ZNF32: variants seen among roughly 807,000 people sequenced by gnomAD.
ZNF32 encodes zinc finger protein 32, also known as C2H2-546.
In ZNF32, 13 loss-of-function variants were observed where a neutral mutation model predicts 24.4. The ratio of observed to expected loss-of-function variants is 0.53; its 90% CI spans 0.35 to 0.85. ZNF32 has a LOEUF of 0.85. Among genes scored for constraint, ZNF32 ranks in the 40% least tolerant of loss-of-function variants. The probability of loss-of-function intolerance (pLI) is 0.01; values close to 1 mark genes in which losing one functional copy is unlikely to be tolerated. For synonymous variants in ZNF32, 115 were observed against 117.4 expected, an observed-to-expected ratio of 0.98 and a Z score of 0.13; for missense variants, 239 against 325.3, an observed-to-expected ratio of 0.73 and a Z score of 2.04.
Position 43,643,939 on chromosome 10 carries a change from ATG to A in ZNF32, c.*109_*110del. 8.1e-7 allele frequency: 1 copy of A among 1,241,392 alleles called. No individual in the cohort carries two copies. The highest frequency in any genetic ancestry group is 1.6e-5 in the South Asian group (1 of 61,402). 76.9% of individuals were successfully genotyped at this position (1,241,392 alleles called of 1,614,324 possible). The stretch of plus-strand genomic sequence containing the variant: ...AAAAATCAGTTTGCCCTACCCAATG[ATG>A]GTCTTTCTGAAAGATTCTCCATTCA... On this transcript the variant is annotated 3_prime_UTR_variant, in exon 3 of 3. Transcript: ENST00000374433.
At chr10:43,646,241 C>A in intron 1 of ZNF32, 39 bp from the exon 2 acceptor site, 2 of 1,237,830 alleles carry the variant, frequency 1.6e-6, no homozygotes, top group South Asian at 1.4e-5. Context: ...CAGGAAAGGG[C>A]AGAATAATTG....
In ZNF32 at chr10:43,644,803, T is replaced by C; in HGVS notation, c.71-2A>G. 1 of 1,578,716 alleles carries C rather than the reference T, an allele frequency of 6.3e-7. No individual in the cohort carries two copies. The highest frequency in any genetic ancestry group is 8.6e-7 in the Non-Finnish European group (1 of 1,165,964). ...TGTGGTGGGCTTCAGTCATCACATC[T>C]GATAAAATGAGAGGGAAGTCATATA... On this transcript the variant is annotated splice_acceptor_variant, in intron 2 of 2. Transcript: ENST00000374433. LOFTEE classifies it high-confidence loss of function. This position sits in a 1 kb window ranked among gnomAD's most constrained non-coding sequence, Gnocchi z 5.3.
rs757643566 is a variant in ZNF32, at chr10:43,644,797, C to A, written c.75G>T (p.Val25=). The change falls in exon 3 of 3, where the codon GTG becomes GTT. Residue 25 remains valine (V), a synonymous_variant. Transcript: ENST00000374433. The surrounding 1 kb of genome is among the most constrained non-coding windows in gnomAD (Gnocchi z 5.3). The part of the protein sequence containing the change: ...RYAQNVAFFN[V]MTEAHHKYDH... ...CATATTTGTGGTGGGCTTCAGTCAT[C>A]ACATCTGATAAAATGAGAGGGAAGT... 1.3e-5 allele frequency: 21 copies of A among 1,590,758 alleles called. No individual in the cohort carries two copies. The highest frequency in any genetic ancestry group is 1.7e-5 in the Non-Finnish European group (20 of 1,170,954).
Position 43,644,429 on chromosome 10 carries a change from A to C in ZNF32, c.443T>G (p.Leu148Arg). 6.2e-7 allele frequency: 1 copy of C among 1,614,166 alleles called. No individual in the cohort carries two copies. Residue 148 changes from leucine to arginine, a missense_variant, in exon 3 of 3, where the codon CTC becomes CGC. By Grantham distance (102) the Leu-to-Arg change is moderately radical. Coordinates refer to ENST00000374433, the MANE Select transcript of ZNF32 (RefSeq NM_006973.3). This position sits in a 1 kb window ranked among gnomAD's most constrained non-coding sequence, Gnocchi z 5.3. ...AGTGTGGAGTCTCTCGTGGACAGCG[A>C]GACTACCTCGTTGACTGAAGCTTTT... is the stretch of plus-strand genomic sequence containing the variant. The part of the protein sequence containing the change: ...CGKSFSQRGS[L>R]AVHERLHTGQ...
At chr10:43,646,017 G>C (rs769282680) in intron 2 of ZNF32, 47 bp downstream of exon 2, 1 of 1,611,892 alleles carries the variant, frequency 6.2e-7, no homozygotes, top group African/African-American at 1.3e-5. Flanking sequence ...CAGGGACACT[G>C]AATATCTGTG....
intron 1 of ZNF32, 73 bp from the exon 2 acceptor site, chr10:43,646,275 CAGTTGTTG>C: frequency 1.1e-6 from 1 of 905,212 alleles, no homozygotes. Flanking sequence ...AAAAAGTCAA[CAGTTGTTG>C]AGACATAAGT....
intron 1 of ZNF32, chr10:43,648,542 AGGCCCCG>A (rs1171564368): frequency 6.6e-6 from 1 of 152,016 alleles, no homozygotes; most frequent in African/African-American, 2.4e-5. Context: ...CTCCCGCCTC[AGGCCCCG>A]GGCCCCGGGC....
intron 1 of ZNF32, 162 bp from the exon 2 acceptor site, chr10:43,646,364 G>C (rs1839287984): frequency 5.9e-6 from 3 of 511,992 alleles, no homozygotes; most frequent in African/African-American, 5.8e-5. Flanking sequence ...GGGCCCAAAG[G>C]TACCAGGACC....
In ZNF32 at chr10:43,643,908, A is replaced by C. The variant is rs1839187713; in HGVS notation, c.*142T>G. ...TTATTTTTCATACTCTTTTGGGGGA[A>C]AGGAAAAAAATCAGTTTGCCCTACC... On this transcript the variant is annotated 3_prime_UTR_variant, in exon 3 of 3. Coordinates refer to ENST00000374433, the MANE Select transcript of ZNF32 (RefSeq NM_006973.3). The C allele has an allele frequency of 1.2e-6, 1 of 810,854 alleles. No individual in the cohort carries two copies. Among genetic ancestry groups the C allele is most frequent in the Non-Finnish European group, 1.9e-6 (1 of 535,350 alleles). The allele number at this position is 810,854 out of a possible 1,614,324, so 50.2% of individuals were successfully genotyped here.
Position 43,644,206 on chromosome 10 carries a change from G to A in ZNF32, c.666C>T (p.Cys222=). The change falls in exon 3 of 3, where the codon TGC becomes TGT. Residue 222 remains cysteine (C), a synonymous_variant. Transcript: ENST00000374433. This position sits in a 1 kb window ranked among gnomAD's most constrained non-coding sequence, Gnocchi z 5.3. ...TCCCCCTGGTGTGGAAACTCTTCCT[G>A]CACTGGGTACAGGCATAGGGCTTCA... The part of the protein sequence containing the change: ...TGLKPYACTQ[C]RKSFHTRGNC... The A allele has an allele frequency of 3.1e-6, 5 of 1,614,188 alleles. No homozygotes were observed. Among genetic ancestry groups the A allele is most frequent in the South Asian group, 1.1e-5 (1 of 91,082 alleles).
chr10:43,647,384 A>AT (rs904442191), intron 1 of ZNF32, among the ~76,000 whole-genome samples: 5 of 152,180 alleles, frequency 3.3e-5, no homozygotes, highest in Non-Finnish European at 7.3e-5. Flanking sequence ...CACATGATCT[A>AT]TTTTTTAAAA....
At position 43,644,400 on chromosome 10, in the gene ZNF32, G is replaced by T; in HGVS notation, c.472C>A (p.Gln158Lys). 5 of 1,613,994 alleles carry T rather than the reference G, an allele frequency of 3.1e-6. No individual in the cohort carries two copies. Among genetic ancestry groups the T allele is most frequent in the Non-Finnish European group, 4.2e-6 (5 of 1,179,922 alleles). The change falls in exon 3 of 3, where the codon CAG (glutamine) becomes AAG (lysine). Residue 158 changes from glutamine to lysine, a missense_variant. Transcript: ENST00000374433. The surrounding 1 kb of genome is among the most constrained non-coding windows in gnomAD (Gnocchi z 5.3). ...CAAATAGCACACTCGTAGGGTTTCT[G>T]TCCAGTGTGGAGTCTCTCGTGGACA... ...LAVHERLHTG[Q>K]KPYECAICQR...
At position 43,644,154 on chromosome 10, in the gene ZNF32, T is replaced by C. The variant is rs1192210150; in HGVS notation, c.718A>G (p.Thr240Ala). The change falls in exon 3 of 3, where the codon ACA (threonine) becomes GCA (alanine). Residue 240 changes from threonine to alanine, a missense_variant. Transcript: ENST00000374433. The surrounding 1 kb of genome is among the most constrained non-coding windows in gnomAD (Gnocchi z 5.3). ...GNCILHGKIHTGETPYLCGQC... is the reference protein window; with the variant it reads ...GNCILHGKIHAGETPYLCGQC... ...CCGCACAGATAGGGTGTCTCTCCTG[T>C]GTGGATTTTGCCATGCAGAATACAA... The C allele has an allele frequency of 6.2e-7, 1 of 1,614,214 alleles. No homozygotes were observed. The highest frequency in any genetic ancestry group is 8.5e-7 in the Non-Finnish European group (1 of 1,180,042).
intron 1 of ZNF32, chr10:43,646,997 A>C (rs891683824): frequency 4.6e-5 from 7 of 152,236 alleles, no homozygotes; most frequent in Non-Finnish European, 1.0e-4. Context: ...AGAAAGGAAG[A>C]GAGTTTGACC....
At chr10:43,645,453 C>A (rs1415238295) in intron 2 of ZNF32, among the ~76,000 whole-genome samples, 1 of 152,154 alleles carries the variant, frequency 6.6e-6, no homozygotes, top group East Asian at 1.9e-4. Context: ...TCCCTGCAAC[C>A]CTACAAGATA....
Position 43,643,871 on chromosome 10 carries a change from T to TG in ZNF32, c.*178_*179insC, listed in dbSNP as rs1839186256. The TG allele has an allele frequency of 1.5e-6, 1 of 645,430 alleles. No homozygotes were observed. The highest frequency in any genetic ancestry group is 1.8e-5 in the African/African-American group (1 of 54,776). 40.0% of individuals were successfully genotyped at this position (645,430 alleles called of 1,614,324 possible). A position where few individuals can be genotyped will look rare whatever the true frequency, so the allele number is the denominator to read the frequency against. ...TATAAAACATACATGATAATGATAA[T>TG]AAACAAGACATTTATTTTTCATACT... is the stretch of plus-strand genomic sequence containing the variant. On this transcript the variant is annotated 3_prime_UTR_variant, in exon 3 of 3. Coordinates refer to ENST00000374433, the MANE Select transcript of ZNF32 (RefSeq NM_006973.3).
At chr10:43,647,621 G>A (rs1302484766) in intron 1 of ZNF32, 2 of 152,174 alleles carry the variant, frequency 1.3e-5, no homozygotes, top group African/African-American at 4.8e-5. Context: ...TGATGACCAG[G>A]AGAATCATTT....
rs1480543570 is a variant in ZNF32, at chr10:43,644,534, C to G, written c.338G>C (p.Ser113Thr). Residue 113 changes from serine (S) to threonine (T), a missense_variant, in exon 3 of 3, where the codon AGC becomes ACC. Transcript: ENST00000374433. The surrounding 1 kb of genome is among the most constrained non-coding windows in gnomAD (Gnocchi z 5.3). ...KPFECTHCGK[S>T]FRAKGNLVTH... ...AACAAGATTGCCTTTGGCCCTGAAG[C>G]TTTTTCCACAGTGGGTGCACTCAAA... The G allele has an allele frequency of 6.8e-6, 11 of 1,614,078 alleles. No individual in the cohort carries two copies. The highest frequency in any genetic ancestry group is 9.3e-6 in the Non-Finnish European group (11 of 1,179,978).
intron 1 of ZNF32, among the ~76,000 whole-genome samples, chr10:43,648,353 C>A (rs545038153): frequency 5.9e-5 from 9 of 152,282 alleles, no homozygotes; most frequent in African/African-American, 2.2e-4. Context: ...GCGTGGTTTC[C>A]CACACGCTGC....
Sources: allele counts gnomAD v4.1 joint callset (sites outside exome capture counted in the v4.1 genomes callset), GRCh38; gene constraint gnomAD v4.1.1; non-coding constraint Gnocchi (gnomAD v3.1); transcripts MANE v1.5; gene names NCBI Gene and HGNC (gene_info 2026-07-23, HGNC 2026-07-21).